MTMR10: variants seen among roughly 807,000 people sequenced by gnomAD.
MTMR10 encodes myotubularin-related protein 10.
MTMR10 carries 56 observed loss-of-function variants against 88.1 expected under a neutral mutation model. The ratio of observed to expected loss-of-function variants is 0.64; its 90% CI spans 0.51 to 0.79. The LOEUF is 0.79. MTMR10 is among the 30% of genes least tolerant of loss of function. The probability of loss-of-function intolerance (pLI) is 0.00; values close to 1 mark genes in which losing one functional copy is unlikely to be tolerated. For synonymous variants in MTMR10, 380 were observed against 340.9 expected, an observed-to-expected ratio of 1.11 and a Z score of -1.26; for missense variants, 883 against 924.7, an observed-to-expected ratio of 0.95 and a Z score of 0.58.
At chr15:30,932,648 G>C in the MTMR10 span, among the ~76,000 whole-genome samples, 1,816 of 151,462 alleles carry the variant, frequency 0.012, 9 homozygotes, top group Middle Eastern at 0.017. Context: ...TTGCTAGTTT[G>C]TGTCTTTCAA....
At chr15:30,956,663 A>C in intron 9 of MTMR10, among the ~76,000 whole-genome samples, 2 of 152,254 alleles carry the variant, frequency 1.3e-5, no homozygotes, top group Non-Finnish European at 2.9e-5. Context: ...AAAGGTTAGG[A>C]GACGAGGTTG....
In MTMR10 at chr15:30,938,965, A is replaced by G. The variant is rs1457650445; in HGVS notation, c.*2505T>C. The G allele has an allele frequency of 1.0e-6, 1 of 985,296 alleles. No individual in the cohort carries two copies. Among genetic ancestry groups the G allele is most frequent in the Non-Finnish European group, 1.2e-6 (1 of 829,916 alleles). 61.0% of individuals were successfully genotyped at this position (985,296 alleles called of 1,614,324 possible). A position where few individuals can be genotyped will look rare whatever the true frequency, so the allele number is the denominator to read the frequency against. On this transcript the variant is annotated 3_prime_UTR_variant, in exon 16 of 16. Transcript: ENST00000435680. ...AAACAGTCGCTGTGGAATTTTATTA[A>G]GCCATCAAAATTTCCTTCACATTCA... is the stretch of plus-strand genomic sequence containing the variant.
chr15:30,990,437 T>A (rs1172589488), intron 2 of MTMR10, among the ~76,000 whole-genome samples: 2 of 152,232 alleles, frequency 1.3e-5, no homozygotes, highest in Non-Finnish European at 2.9e-5. Flanking sequence ...GTTATTGGTA[T>A]AGAGACACAC....
Position 30,940,785 on chromosome 15 carries a change from ATTT to A in MTMR10, c.*682_*684del. 1.0e-6 allele frequency: 1 copy of A among 986,886 alleles called. No individual in the cohort carries two copies. Among genetic ancestry groups the A allele is most frequent in the Non-Finnish European group, 1.2e-6 (1 of 830,684 alleles). 61.1% of individuals were successfully genotyped at this position (986,886 alleles called of 1,614,324 possible). A position where few individuals can be genotyped will look rare whatever the true frequency, so the allele number is the denominator to read the frequency against. On this transcript the variant is annotated 3_prime_UTR_variant, in exon 16 of 16. Transcript: ENST00000435680. ...CCCCAATTTTAAAAAGTGAAATTATATTTTCTTCTGTAATATTTGTATCCTAAA... is the reference window on the plus strand; with the variant it reads ...CCCCAATTTTAAAAAGTGAAATTATATCTTCTGTAATATTTGTATCCTAAA...
chr15:30,962,235 C>G (rs2063411414), intron 6 of MTMR10, among the ~76,000 whole-genome samples: 1 of 152,184 alleles, frequency 6.6e-6, no homozygotes, highest in African/African-American at 2.4e-5. Flanking sequence ...AGAGTGCCTG[C>G]AAAGTGATTA....
chr15:30,977,471 G>C (rs921342027), intron 2 of MTMR10, among the ~76,000 whole-genome samples: 4 of 152,134 alleles, frequency 2.6e-5, no homozygotes, highest in African/African-American at 9.7e-5. Flanking sequence ...AACTTAGTAG[G>C]CAACAAAACC....
chr15:30,987,843 C>T (rs1191487304), intron 2 of MTMR10, among the ~76,000 whole-genome samples: 1 of 151,874 alleles, frequency 6.6e-6, no homozygotes, highest in Admixed American at 6.6e-5. Context: ...AGGTATTTGT[C>T]CTAATGCTCT....
chr15:30,969,932 A>G (rs552850451), intron 5 of MTMR10, among the ~76,000 whole-genome samples: 2 of 152,232 alleles, frequency 1.3e-5, no homozygotes, highest in South Asian at 4.1e-4. Context: ...TGTCTGTTCA[A>G]CACTACTCTC....
At chr15:30,958,713 A>T (rs2063359752) in intron 9 of MTMR10, 150 bp downstream of exon 9, 1 of 736,510 alleles carries the variant, frequency 1.4e-6, no homozygotes, top group African/African-American at 1.8e-5. Flanking sequence ...ATATTATCAC[A>T]TTCTTTTCAA....
Position 30,940,575 on chromosome 15 carries a change from T to C in MTMR10, c.*895A>G. The C allele has an allele frequency of 1.0e-6, 1 of 985,434 alleles. No individual in the cohort carries two copies. Among genetic ancestry groups the C allele is most frequent in the Non-Finnish European group, 1.2e-6 (1 of 830,008 alleles). 61.0% of individuals were successfully genotyped at this position (985,434 alleles called of 1,614,324 possible). On this transcript the variant is annotated 3_prime_UTR_variant, in exon 16 of 16. Transcript: ENST00000435680. ...AGCCCAGCACGCCTCCCAGCAAGCCTTGTTTGTTTTTGAGGGCGAGTTTTG... is the reference window on the plus strand; with the variant it reads ...AGCCCAGCACGCCTCCCAGCAAGCCCTGTTTGTTTTTGAGGGCGAGTTTTG...
At chr15:30,964,677 C>A (rs1436588505) in intron 6 of MTMR10, among the ~76,000 whole-genome samples, 1 of 152,196 alleles carries the variant, frequency 6.6e-6, no homozygotes, top group Non-Finnish European at 1.5e-5. Context: ...CTATGAGGGG[C>A]TGGACCAACA....
At chr15:30,990,876 C>T (rs1481460659) in intron 1 of MTMR10, 39 bp from the exon 2 acceptor site, 2 of 1,514,786 alleles carry the variant, frequency 1.3e-6, no homozygotes, top group South Asian at 2.4e-5. Flanking sequence ...ATCTCAATCC[C>T]CCCACCCTCC....
At chr15:30,942,282 T>A in intron 15 of MTMR10, 1 of 634,762 alleles carries the variant, frequency 1.6e-6, no homozygotes, top group Non-Finnish European at 2.7e-6. Flanking sequence ...GCTGTTACTA[T>A]CAGCCTGAAT....
intron 2 of MTMR10, among the ~76,000 whole-genome samples, chr15:30,984,537 AAC>A: frequency 6.6e-6 from 1 of 152,364 alleles, no homozygotes; most frequent in Middle Eastern, 3.4e-3. Context: ...TTAAGGAATT[AAC>A]AACCCAACTG....
chr15:30,943,156 C>T (rs939205513), intron 14 of MTMR10, 84 bp from the exon 15 acceptor site: 127 of 1,477,038 alleles, frequency 8.6e-5, no homozygotes, highest in Non-Finnish European at 1.1e-4. Flanking sequence ...CATCATTACA[C>T]AGGTTAAATG....
At chr15:30,937,112 T>C (rs111839000), downstream of MTMR10, 15 of 1,604,732 alleles carry the variant, frequency 9.3e-6, no homozygotes, top group Non-Finnish European at 1.2e-5. Context: ...AAAAATTTCT[T>C]TTCCAGCTGG....
chr15:30,966,377 T>C (rs1382539442), intron 6 of MTMR10, among the ~76,000 whole-genome samples: 1 of 152,232 alleles, frequency 6.6e-6, no homozygotes, highest in African/African-American at 2.4e-5. Context: ...TTACCAACTG[T>C]ATAATGAAGT....
downstream of MTMR10, chr15:30,938,895 TATCA>T (rs891389326): frequency 1.0e-6 from 1 of 984,092 alleles, no homozygotes; most frequent in South Asian, 4.7e-5. Context: ...TCACCTCTTC[TATCA>T]ATCACTGTGT....
At chr15:30,967,576 T>C (rs1166665406) in intron 6 of MTMR10, among the ~76,000 whole-genome samples, 2 of 152,234 alleles carry the variant, frequency 1.3e-5, no homozygotes, top group Non-Finnish European at 2.9e-5. Flanking sequence ...TTTAGTTTTC[T>C]GCCAGTTTTC....
Sources: gnomAD v4.1 joint callset for allele counts (sites outside exome capture counted in the v4.1 genomes callset) on GRCh38, gnomAD v4.1.1 for gene constraint, MANE v1.5 for transcripts, NCBI Gene and HGNC (gene_info 2026-07-23, HGNC 2026-07-21) for gene names.